The following CAMK1D variants were observed in gnomAD, a reference collection of about 807,000 sequenced individuals.
The protein encoded by CAMK1D is calcium/calmodulin dependent protein kinase ID, also known as calcium/calmodulin-dependent protein kinase type 1D.
CAMK1D carries 9 observed loss-of-function variants against 47.7 expected under a neutral mutation model. The observed-to-expected ratio is 0.19, with a 90% CI of 0.11 to 0.33. The LOEUF (loss-of-function observed/expected upper bound fraction) is 0.33. CAMK1D is among the 10% of genes least tolerant of loss of function. The probability of loss-of-function intolerance (pLI) is 1.00; values close to 1 mark genes in which losing one functional copy is unlikely to be tolerated. For synonymous variants in CAMK1D, 184 were observed against 184.9 expected (o/e 0.99, Z 0.04); for missense variants, 291 against 488.7 (o/e 0.60, Z 3.81).
chr10:12,384,484 G>A (rs867699629), intron 1 of CAMK1D, among the ~76,000 whole-genome samples: 1 of 152,198 alleles, frequency 6.6e-6, no homozygotes, highest in Admixed American at 6.5e-5. Flanking sequence ...TGGTCCTGGT[G>A]TATAGATCAG....
intron 2 of CAMK1D, among the ~76,000 whole-genome samples, chr10:12,644,804 G>A (rs1249495294): frequency 1.3e-5 from 2 of 152,074 alleles, no homozygotes; most frequent in African/African-American, 4.8e-5. Flanking sequence ...AGCCATTACA[G>A]GTTAATATTA....
At chr10:12,376,162 C>CAAAAAAAAAA (rs59804213) in intron 1 of CAMK1D, among the ~76,000 whole-genome samples, 20 of 59,968 alleles carry the variant, frequency 3.3e-4, no homozygotes, top group East Asian at 1.2e-3. Context: ...GACTCTGTCC[C>CAAAAAAAAAA]AAAAAAAAAA....
intron 3 of CAMK1D, among the ~76,000 whole-genome samples, chr10:12,755,166 G>A (rs1308263230): frequency 6.6e-6 from 1 of 152,194 alleles, no homozygotes; most frequent in East Asian, 1.9e-4. Flanking sequence ...GTTGAAGGAG[G>A]AAAATATTGA....
In CAMK1D at chr10:12,496,408, C is replaced by T. The variant is rs374852381; in HGVS notation, c.93-56817C>T. On this transcript the variant is annotated intron_variant, in intron 1 of 10. Transcript: ENST00000619168. ...CCCGGGCTGTTTCTGTCTTGTTGCT[C>T]TGTCTTGTGTGGCATGATTGCATGG... 7.2e-5 allele frequency among the ~76,000 whole-genome samples: 11 copies of T among 152,288 alleles called. No homozygotes were observed. In the East Asian group the frequency reaches 1.5e-3, roughly 21 times the overall value.
intron 1 of CAMK1D, among the ~76,000 whole-genome samples, chr10:12,410,012 A>G (rs765361865): frequency 6.6e-6 from 1 of 152,136 alleles, no homozygotes; most frequent in Non-Finnish European, 1.5e-5. Flanking sequence ...GGGCTTCTCT[A>G]TGTTATAACA....
chr10:12,409,969 C>G (rs1167736245), intron 1 of CAMK1D, among the ~76,000 whole-genome samples: 1 of 152,126 alleles, frequency 6.6e-6, no homozygotes, highest in African/African-American at 2.4e-5. Context: ...TCTTTTGTGC[C>G]CGACCTCTTT....
chr10:12,545,002 C>A (rs992239907), intron 1 of CAMK1D, among the ~76,000 whole-genome samples: 1 of 152,114 alleles, frequency 6.6e-6, no homozygotes, highest in African/African-American at 2.4e-5. Context: ...AGAGGAGAGC[C>A]CCCAATAATG....
At position 12,473,619 on chromosome 10, in the gene CAMK1D, G is replaced by A. The variant is rs149143713; in HGVS notation, c.93-79606G>A. ...GGCCAGAGAGGCTGAGATTTGTTGAGGTCACCTGGCAGCAGGCTGTAGGGC... is the reference window on the plus strand; with the variant it reads ...GGCCAGAGAGGCTGAGATTTGTTGAAGTCACCTGGCAGCAGGCTGTAGGGC... On this transcript the variant is annotated intron_variant, in intron 1 of 10. Transcript: ENST00000619168. Among the ~76,000 whole-genome samples, 628 of 152,264 alleles carry A rather than the reference G, an allele frequency of 4.1e-3. 4 individuals carry two copies. The highest frequency in any genetic ancestry group is 6.8e-3 in the Middle Eastern group (2 of 294).
chr10:12,501,988 C>A (rs1167365726), intron 1 of CAMK1D, among the ~76,000 whole-genome samples: 1 of 152,112 alleles, frequency 6.6e-6, no homozygotes, highest in Non-Finnish European at 1.5e-5. Context: ...GTAGGGGAAG[C>A]CTGGACTGTG....
chr10:12,412,896 G>C (rs1360354400), intron 1 of CAMK1D, among the ~76,000 whole-genome samples: 1 of 152,006 alleles, frequency 6.6e-6, no homozygotes, highest in African/African-American at 2.4e-5. Context: ...CCCTGGAAAG[G>C]GTTCATGAAC....
chr10:12,547,439 T>C (rs1440335462), intron 1 of CAMK1D, among the ~76,000 whole-genome samples: 1 of 152,186 alleles, frequency 6.6e-6, no homozygotes, highest in Admixed American at 6.5e-5. Context: ...TGCTCCATCG[T>C]TCAGCTTTAA....
intron 2 of CAMK1D, among the ~76,000 whole-genome samples, chr10:12,638,951 G>C (rs908257194): frequency 2.0e-5 from 3 of 152,140 alleles, no homozygotes; most frequent in Admixed American, 2.0e-4. Context: ...GCTCTGCCTG[G>C]CTTGCTGTCT....
At chr10:12,486,945 G>A (rs924981684) in intron 1 of CAMK1D, among the ~76,000 whole-genome samples, 2 of 152,030 alleles carry the variant, frequency 1.3e-5, no homozygotes, top group African/African-American at 4.8e-5. Context: ...CTCTAAAAAT[G>A]TAAAAATAAA....
chr10:12,453,193 C>CT (rs59619218), intron 1 of CAMK1D, among the ~76,000 whole-genome samples: 64 of 137,640 alleles, frequency 4.6e-4, no homozygotes, highest in East Asian at 1.2e-3. Flanking sequence ...TTTCTTTTTT[C>CT]TTTTTTTTTT....
At position 12,553,755 on chromosome 10, in the gene CAMK1D, T is replaced by A. The variant is rs1836669119; in HGVS notation, c.224+399T>A. ...TGCTTACTAAGTTTTTGTGAAGTGC[T>A]CACTGCAGCACTCGCCACATAGGAA... On this transcript the variant is annotated intron_variant, in intron 2 of 10. Transcript: ENST00000619168. Among the ~76,000 whole-genome samples, 3 of 152,224 alleles carry A rather than the reference T, an allele frequency of 2.0e-5. No individual in the cohort carries two copies. The South Asian group carries it at 6.2e-4, about 32-fold the overall frequency.
intron 1 of CAMK1D, among the ~76,000 whole-genome samples, chr10:12,519,317 C>T (rs1327152102): frequency 4.0e-5 from 2 of 50,322 alleles, no homozygotes; most frequent in African/African-American, 8.1e-5. Flanking sequence ...TAGGGGCGGC[C>T]GGGCAGAGGC....
intron 3 of CAMK1D, among the ~76,000 whole-genome samples, chr10:12,679,697 C>T (rs1840926296): frequency 1.3e-5 from 2 of 152,202 alleles, no homozygotes; most frequent in African/African-American, 4.8e-5. Flanking sequence ...CCATAATGCT[C>T]CTTCTATTCC....
chr10:12,382,035 C>T (rs563180417), intron 1 of CAMK1D, among the ~76,000 whole-genome samples: 16 of 152,220 alleles, frequency 1.1e-4, no homozygotes, highest in South Asian at 2.1e-4. Context: ...AGTGAAATGA[C>T]GTAACAAAAC....
At chr10:12,586,875 A>G (rs778742944) in intron 2 of CAMK1D, among the ~76,000 whole-genome samples, 3 of 152,184 alleles carry the variant, frequency 2.0e-5, no homozygotes, top group Non-Finnish European at 4.4e-5. Context: ...TTTTGATTTC[A>G]TCACTGACAG....
Sources: allele counts gnomAD v4.1 joint callset (sites outside exome capture counted in the v4.1 genomes callset), GRCh38; gene constraint gnomAD v4.1.1; transcripts MANE v1.5; gene names NCBI Gene and HGNC (gene_info 2026-07-23, HGNC 2026-07-21).